The following DCAF6 variants were observed in gnomAD, a reference collection of about 807,000 sequenced individuals.
DCAF6 encodes DDB1 and CUL4 associated factor 6, also known as DDB1- and CUL4-associated factor 6.
A neutral mutation model predicts 125.1 loss-of-function variants in DCAF6; 54 were observed. The observed-to-expected ratio is 0.43, with a 90% CI of 0.35 to 0.54. The LOEUF is 0.54. Among genes scored for constraint, DCAF6 ranks in the 20% least tolerant of loss-of-function variants. The probability of loss-of-function intolerance (pLI) is 0.01; values close to 1 mark genes in which losing one functional copy is unlikely to be tolerated. For synonymous variants in DCAF6, 371 were observed against 390.4 expected, an observed-to-expected ratio of 0.95 and a Z score of 0.58; for missense variants, 934 against 1,161.7, an observed-to-expected ratio of 0.80 and a Z score of 2.85.
At chr1:167,928,820 A>C in the DCAF6 span, among the ~76,000 whole-genome samples, 1 of 152,256 alleles carries the variant, frequency 6.6e-6, no homozygotes, top group Non-Finnish European at 1.5e-5. Context: ...ATCCATTATG[A>C]TAAATGAAAT....
intron 12 of DCAF6, among the ~76,000 whole-genome samples, chr1:168,029,401 C>T (rs1686760878): frequency 6.6e-6 from 1 of 152,160 alleles, no homozygotes; most frequent in Non-Finnish European, 1.5e-5. Flanking sequence ...ATTAATTCAA[C>T]TGATACGTAA....
At chr1:167,882,650 C>T in the DCAF6 span, among the ~76,000 whole-genome samples, 2 of 151,996 alleles carry the variant, frequency 1.3e-5, no homozygotes, top group Non-Finnish European at 2.9e-5. Flanking sequence ...AGACTCCTGA[C>T]CTGAAACCCC....
At chr1:168,074,314 T>G (rs1693540179) in intron 21 of DCAF6, among the ~76,000 whole-genome samples, 1 of 152,106 alleles carries the variant, frequency 6.6e-6, no homozygotes, top group South Asian at 2.1e-4. Flanking sequence ...GGGACTGAAC[T>G]GTTTTCCTTA....
At chr1:167,998,290 A>G (rs919723460) in intron 7 of DCAF6, among the ~76,000 whole-genome samples, 4 of 152,324 alleles carry the variant, frequency 2.6e-5, no homozygotes, top group African/African-American at 9.6e-5. Context: ...CTTCATTGCT[A>G]AAAAGTGCTA....
chr1:167,876,401 T>G, the DCAF6 span, among the ~76,000 whole-genome samples: 1 of 152,106 alleles, frequency 6.6e-6, no homozygotes, highest in Non-Finnish European at 1.5e-5. Flanking sequence ...AGGGTGCATA[T>G]GTTTGCTCAC....
chr1:167,989,522 C>G (rs1395813572), intron 5 of DCAF6, among the ~76,000 whole-genome samples: 3 of 152,128 alleles, frequency 2.0e-5, no homozygotes, highest in Non-Finnish European at 4.4e-5. Context: ...TTAATGAATT[C>G]TATGTAATGA....
intron 7 of DCAF6, among the ~76,000 whole-genome samples, chr1:167,994,267 A>T (rs1156511569): frequency 6.6e-6 from 1 of 152,176 alleles, no homozygotes; most frequent in Non-Finnish European, 1.5e-5. Context: ...CAAAATGTTT[A>T]TCTTAACTTT....
At chr1:168,009,389 T>TCCTTTCTTTCTTTCTTTCTTTCTC (rs1259860523) in intron 10 of DCAF6, among the ~76,000 whole-genome samples, 1 of 133,186 alleles carries the variant, frequency 7.5e-6, no homozygotes, top group African/African-American at 3.1e-5. Context: ...CTTCCTTCCT[T>TCCTTTCTTTCTTTCTTTCTTTCTC]TCTTTCTTTC....
chr1:168,042,627 G>A, intron 13 of DCAF6: 1 of 154,638 alleles, frequency 6.5e-6, no homozygotes, highest in Non-Finnish European at 1.4e-5. Context: ...AAGTAGCCTG[G>A]AATAACAGAG....
chr1:167,930,514 T>A, the DCAF6 span, among the ~76,000 whole-genome samples: 2 of 152,220 alleles, frequency 1.3e-5, no homozygotes, highest in African/African-American at 4.8e-5. Flanking sequence ...CTTTCCCCAA[T>A]GAAATCTGAG....
intron 12 of DCAF6, among the ~76,000 whole-genome samples, chr1:168,033,903 A>G (rs2103334295): frequency 6.6e-6 from 1 of 152,316 alleles, no homozygotes; most frequent in East Asian, 1.9e-4. Flanking sequence ...TCCCCACTAT[A>G]TTGTGTGTGT....
At chr1:167,914,651 T>C in the DCAF6 span, among the ~76,000 whole-genome samples, 2 of 152,184 alleles carry the variant, frequency 1.3e-5, no homozygotes, top group African/African-American at 4.8e-5. Context: ...GAGTTTTCTT[T>C]ATCTGATGTG....
At chr1:168,002,863 G>T (rs1682834518) in intron 8 of DCAF6, among the ~76,000 whole-genome samples, 1 of 151,942 alleles carries the variant, frequency 6.6e-6, no homozygotes, top group South Asian at 2.1e-4. Context: ...TAGTACGTTG[G>T]GTATTGTCAG....
the DCAF6 span, chr1:167,920,107 T>C: frequency 6.6e-7 from 1 of 1,525,028 alleles, no homozygotes; most frequent in East Asian, 2.3e-5. Context: ...AAACAAAATG[T>C]TACTTTAAAA....
chr1:167,889,347 C>T, the DCAF6 span, among the ~76,000 whole-genome samples: 1 of 152,044 alleles, frequency 6.6e-6, no homozygotes, highest in African/African-American at 2.4e-5. Context: ...GGTTTTTGTC[C>T]TTCATTCTGT....
intron 10 of DCAF6, among the ~76,000 whole-genome samples, chr1:168,011,427 A>G (rs1281808704): frequency 6.6e-6 from 1 of 152,138 alleles, no homozygotes; most frequent in Non-Finnish European, 1.5e-5. Context: ...AGAATTTTTT[A>G]AAGATAGCAT....
the DCAF6 span, chr1:167,920,623 C>T: frequency 6.2e-7 from 1 of 1,613,478 alleles, no homozygotes; most frequent in Non-Finnish European, 8.5e-7. Context: ...ATCCAGCACA[C>T]ACCAACCCCT....
intron 2 of DCAF6, among the ~76,000 whole-genome samples, chr1:167,962,832 A>T (rs770185052): frequency 1.2e-4 from 18 of 152,166 alleles, no homozygotes; most frequent in Non-Finnish European, 2.1e-4. Context: ...GCACATGCCT[A>T]TAATCCCAGT....
At chr1:168,002,303 CAGAA>C (rs1467220115) in intron 7 of DCAF6, among the ~76,000 whole-genome samples, 175 bp from the exon 8 acceptor site, 8 of 152,088 alleles carry the variant, frequency 5.3e-5, no homozygotes, top group Admixed American at 5.2e-4. Context: ...TATTTATCCT[CAGAA>C]TGAATGCTTT....
Sources: allele counts gnomAD v4.1 joint callset (sites outside exome capture counted in the v4.1 genomes callset), GRCh38; gene constraint gnomAD v4.1.1; transcripts MANE v1.5; gene names NCBI Gene and HGNC (gene_info 2026-07-23, HGNC 2026-07-21).